The following AFAP1 variants were observed in gnomAD, a reference collection of about 807,000 sequenced individuals.
The protein encoded by AFAP1 is actin filament-associated protein 1.
Under a neutral mutation model 93.9 loss-of-function variants are expected in AFAP1, and 75 were observed. That is an observed-to-expected ratio of 0.80 (90% CI 0.66 to 0.97). The LOEUF is 0.97. Ranked by LOEUF, AFAP1 falls within the 50% of genes least tolerant of loss-of-function variation. The pLI is 0.00. For missense variants in AFAP1, 1,201 were observed against 1,050.8 expected (o/e 1.14, Z -1.98); for synonymous variants, 517 against 430.7 (o/e 1.20, Z -2.48).
chr4:7,772,784 G>A (rs373254963), intron 16 of AFAP1, 36 bp downstream of exon 16: 90 of 1,597,810 alleles, frequency 5.6e-5, no homozygotes, highest in Non-Finnish European at 7.3e-5. Flanking sequence ...ACGCAAGGCC[G>A]CGCCAGCCTC....
rs572339253 is a variant in AFAP1 at position 7,939,318 on chromosome 4, G to A, written c.-3+338C>T. 6.3e-6 allele frequency: 2 copies of A among 315,360 alleles called. No individual in the cohort carries two copies. The highest frequency in any genetic ancestry group is 2.4e-5 in the South Asian group (1 of 42,516). The allele number at this position is 315,360 out of a possible 1,614,324, so 19.5% of individuals were successfully genotyped here. A position where few individuals can be genotyped will look rare whatever the true frequency, so the allele number is the denominator to read the frequency against. On this transcript the variant is annotated intron_variant, in intron 1 of 17. Coordinates refer to ENST00000420658, the MANE Select transcript of AFAP1 (RefSeq NM_001134647.2). This position sits in a 1 kb window ranked among gnomAD's most constrained non-coding sequence, Gnocchi z 5.6. The stretch of plus-strand genomic sequence containing the variant: ...TGGTGACCCGGACCCCGCCCCACGA[G>A]TGGGTCTTCGCAGGGCCCCCTCTGA...
chr4:7,920,087 T>G (rs1208256299), intron 1 of AFAP1, among the ~76,000 whole-genome samples: 3 of 152,200 alleles, frequency 2.0e-5, no homozygotes, highest in Non-Finnish European at 4.4e-5. Context: ...CTGTGAACAG[T>G]GCTGCAATGA....
Position 7,774,738 on chromosome 4 carries a change from C to T in AFAP1, c.2062+1G>A. 1 of 1,613,970 alleles carries T rather than the reference C, an allele frequency of 6.2e-7. No homozygotes were observed. Among genetic ancestry groups the T allele is most frequent in the South Asian group, 1.1e-5 (1 of 91,034 alleles). ...TGGGCAGTCACCCACACCCTTCATA[C>T]CGGCGTTCACTTCAATAGCCGCTCG... On this transcript the variant is annotated splice_donor_variant, in intron 15 of 17. Coordinates refer to ENST00000420658, the MANE Select transcript of AFAP1 (RefSeq NM_001134647.2). LOFTEE classifies it high-confidence loss of function.
chr4:7,770,935 A>G (rs1221576906), intron 16 of AFAP1, among the ~76,000 whole-genome samples: 2 of 152,198 alleles, frequency 1.3e-5, no homozygotes, highest in African/African-American at 4.8e-5. Context: ...CAATGCCTAC[A>G]GCCTCACTGC....
intron 6 of AFAP1, among the ~76,000 whole-genome samples, chr4:7,833,216 C>G (rs1026728342): frequency 6.6e-6 from 1 of 152,078 alleles, no homozygotes; most frequent in African/African-American, 2.4e-5. Context: ...AACAGACAAC[C>G]CACAGAGTGA....
chr4:7,875,859 A>T (rs1214475159), intron 1 of AFAP1, among the ~76,000 whole-genome samples: 1 of 152,208 alleles, frequency 6.6e-6, no homozygotes, highest in Non-Finnish European at 1.5e-5. Context: ...CTACTTATAT[A>T]AAGTACTTAG....
intron 3 of AFAP1, among the ~76,000 whole-genome samples, chr4:7,864,770 T>A (rs1716217513): frequency 6.6e-6 from 1 of 152,148 alleles, no homozygotes; most frequent in Non-Finnish European, 1.5e-5. Flanking sequence ...AAAAAATGAG[T>A]GCCAAAGCCG....
chr4:7,934,779 C>T (rs1721282741), intron 1 of AFAP1, among the ~76,000 whole-genome samples: 2 of 152,150 alleles, frequency 1.3e-5, no homozygotes, highest in Admixed American at 6.6e-5. Context: ...CCTCTGACTG[C>T]CCTTTAGTTT....
chr4:7,835,539 C>T (rs546423193), intron 6 of AFAP1, among the ~76,000 whole-genome samples: 269 of 4,448 alleles, frequency 0.06, no homozygotes, highest in African/African-American at 0.11. Context: ...GAATGGACTG[C>T]GGGCTGCCTT....
intron 3 of AFAP1, among the ~76,000 whole-genome samples, chr4:7,868,035 T>C (rs1007464456): frequency 3.5e-4 from 52 of 150,574 alleles, no homozygotes; most frequent in African/African-American, 1.2e-3. Context: ...CAGCCAAATA[T>C]AGAAAAAGCT....
chr4:7,928,775 T>C (rs187445095), intron 1 of AFAP1, among the ~76,000 whole-genome samples: 1 of 152,342 alleles, frequency 6.6e-6, no homozygotes, highest in Admixed American at 6.5e-5. Context: ...GCCACACACA[T>C]ACAAAGCACT....
At position 7,793,703 on chromosome 4, in the gene AFAP1, G is replaced by A; in HGVS notation, c.1390C>T (p.Gln464Ter). 2 of 1,556,744 alleles carry A rather than the reference G, an allele frequency of 1.3e-6. No individual in the cohort carries two copies. Among genetic ancestry groups the A allele is most frequent in the Non-Finnish European group, 8.8e-7 (1 of 1,137,358 alleles). Residue 464 changes from glutamine to a stop codon, truncating the protein, a stop_gained, in exon 11 of 18, where the codon CAG (glutamine) becomes TAG (stop). Coordinates refer to ENST00000420658, the MANE Select transcript of AFAP1 (RefSeq NM_001134647.2). LOFTEE classifies it high-confidence loss of function. ...IDVEMSASVI[Q>*]TAKQTFCFMN... is the part of the protein sequence containing the mutation. ...TACCAGAAGGTCTGTTTGGCTGTCTGAATGACACTTGCAGACATCTCCACA... is the reference window on the plus strand; with the variant it reads ...TACCAGAAGGTCTGTTTGGCTGTCTAAATGACACTTGCAGACATCTCCACA...
At chr4:7,879,774 T>G (rs1411907185) in intron 1 of AFAP1, among the ~76,000 whole-genome samples, 1 of 147,630 alleles carries the variant, frequency 6.8e-6, no homozygotes, top group Admixed American at 6.9e-5. Context: ...CGATCACATA[T>G]CACACCTCAC....
At position 7,793,670 on chromosome 4, in the gene AFAP1, G is replaced by A; in HGVS notation, c.1412+11C>T. 6.6e-7 allele frequency: 1 copy of A among 1,519,754 alleles called. No individual in the cohort carries two copies. The highest frequency in any genetic ancestry group is 9.0e-7 in the Non-Finnish European group (1 of 1,116,484). The allele number at this position is 1,519,754 out of a possible 1,614,324, so 94.1% of individuals were successfully genotyped here. ...AACTGTGGTGCCATTTCACATGGCAGTGGGTCTTACCAGAAGGTCTGTTTG... is the reference window on the plus strand; with the variant it reads ...AACTGTGGTGCCATTTCACATGGCAATGGGTCTTACCAGAAGGTCTGTTTG... On this transcript the variant is annotated intron_variant, in intron 11 of 17. Transcript: ENST00000420658.
chr4:7,877,538 C>T (rs755785888), intron 1 of AFAP1, among the ~76,000 whole-genome samples: 5 of 152,158 alleles, frequency 3.3e-5, no homozygotes, highest in Non-Finnish European at 7.3e-5. Flanking sequence ...TTATTATCCC[C>T]GTGTTGTAGG....
At chr4:7,802,060 G>GAA (rs1719098538) in intron 9 of AFAP1, among the ~76,000 whole-genome samples, 1 of 150,848 alleles carries the variant, frequency 6.6e-6, no homozygotes, top group African/African-American at 2.4e-5. Context: ...CAAAAAAAGA[G>GAA]AGGTATGTTC....
intron 1 of AFAP1, among the ~76,000 whole-genome samples, chr4:7,888,802 G>GTTTT (rs71175438): frequency 3.3e-5 from 5 of 151,982 alleles, no homozygotes; most frequent in East Asian, 1.9e-4. Context: ...TGTTGTTGTT[G>GTTTT]TTTTTTGAAA....
At chr4:7,771,328 C>T (rs990361360) in intron 16 of AFAP1, among the ~76,000 whole-genome samples, 6 of 152,110 alleles carry the variant, frequency 3.9e-5, no homozygotes, top group Non-Finnish European at 7.3e-5. Context: ...AGAAGGAACA[C>T]AGCATATGCA....
chr4:7,850,560 C>T (rs1293376253), intron 4 of AFAP1, among the ~76,000 whole-genome samples: 1 of 152,254 alleles, frequency 6.6e-6, no homozygotes, highest in Non-Finnish European at 1.5e-5. Flanking sequence ...ACTGGAACGC[C>T]ACTTCCATTG....
Sources: allele counts gnomAD v4.1 joint callset (sites outside exome capture counted in the v4.1 genomes callset), GRCh38; gene constraint gnomAD v4.1.1; non-coding constraint Gnocchi (gnomAD v3.1); transcripts MANE v1.5; gene names NCBI Gene and HGNC (gene_info 2026-07-23, HGNC 2026-07-21).